TENM3: variants seen among roughly 807,000 people sequenced by gnomAD.
TENM3 encodes teneurin-3.
A neutral mutation model predicts 255.1 loss-of-function variants in TENM3; 63 were observed. The observed-to-expected ratio is 0.25, with a 90% CI of 0.20 to 0.30. The LOEUF is 0.30. TENM3 is among the 10% of genes least tolerant of loss of function. The pLI, the probability that TENM3 is intolerant of heterozygous loss-of-function variation, is 1.00. For missense variants in TENM3, 2,929 were observed against 3,461.1 expected (o/e 0.85, Z 3.86); for synonymous variants, 1,306 against 1,322.3 (o/e 0.99, Z 0.27).
intron 1 of TENM3, among the ~76,000 whole-genome samples, chr4:182,217,902 T>G (rs1755603978): frequency 6.6e-6 from 1 of 152,228 alleles, no homozygotes; most frequent in Admixed American, 6.5e-5. Flanking sequence ...AAGATTTCAA[T>G]TAAATGTGGA....
At chr4:182,630,470 T>C (rs1412716244) in intron 5 of TENM3, among the ~76,000 whole-genome samples, 1 of 151,986 alleles carries the variant, frequency 6.6e-6, no homozygotes, top group Non-Finnish European at 1.5e-5. Context: ...ATGTAATAAA[T>C]TAAGAATATG....
At chr4:181,910,657 T>TA in the TENM3 span, among the ~76,000 whole-genome samples, 1 of 150,328 alleles carries the variant, frequency 6.7e-6, no homozygotes, top group African/African-American at 2.5e-5. Flanking sequence ...TGTGTGTGTA[T>TA]TTTAGAGAGG....
chr4:182,186,762 CAT>C (rs70954298), intron 1 of TENM3, among the ~76,000 whole-genome samples: 71 of 27,470 alleles, frequency 2.6e-3, no homozygotes, highest in South Asian at 4.7e-3. Flanking sequence ...ACTAATGCAT[CAT>C]ATATATATAT....
chr4:181,612,643 T>C, the TENM3 span, among the ~76,000 whole-genome samples: 93 of 152,192 alleles, frequency 6.1e-4, no homozygotes, highest in Admixed American at 1.2e-3. Flanking sequence ...TATTTGTATG[T>C]GTGTGTTTTC....
chr4:182,655,449 G>C (rs1753671783), intron 6 of TENM3, among the ~76,000 whole-genome samples: 1 of 152,256 alleles, frequency 6.6e-6, no homozygotes, highest in South Asian at 2.1e-4. Context: ...TACTGAGAAA[G>C]CTGTGGATTT....
chr4:181,776,232 C>A, the TENM3 span, among the ~76,000 whole-genome samples: 1 of 152,080 alleles, frequency 6.6e-6, no homozygotes, highest in African/African-American at 2.4e-5. Flanking sequence ...ATTCCATCCA[C>A]GTCGCTGTAA....
intron 3 of TENM3, among the ~76,000 whole-genome samples, chr4:182,462,212 C>T (rs1732077719): frequency 6.6e-6 from 1 of 151,790 alleles, no homozygotes; most frequent in African/African-American, 2.4e-5. Context: ...CACACATTGC[C>T]ACACCTGGCC....
chr4:182,488,125 A>G (rs933525845), intron 3 of TENM3, among the ~76,000 whole-genome samples: 2 of 152,194 alleles, frequency 1.3e-5, no homozygotes, highest in East Asian at 1.9e-4. Context: ...ACACAAGTGG[A>G]TAATGATGGG....
chr4:182,677,773 C>T (rs1755780602), intron 7 of TENM3, among the ~76,000 whole-genome samples: 1 of 152,044 alleles, frequency 6.6e-6, no homozygotes. Flanking sequence ...AAAGGTTTTA[C>T]TTATAAATAA....
chr4:182,069,555 A>T, the TENM3 span, among the ~76,000 whole-genome samples: 1 of 152,008 alleles, frequency 6.6e-6, no homozygotes, highest in Non-Finnish European at 1.5e-5. Context: ...CCTTTGTCAG[A>T]TTTAGTCTTG....
chr4:182,054,522 G>A, the TENM3 span, among the ~76,000 whole-genome samples: 1 of 152,034 alleles, frequency 6.6e-6, no homozygotes, highest in African/African-American at 2.4e-5. Flanking sequence ...GAATGAATAA[G>A]ACCTACTATT....
intron 10 of TENM3, among the ~76,000 whole-genome samples, chr4:182,681,419 A>G (rs1298860815): frequency 6.6e-6 from 1 of 152,236 alleles, no homozygotes; most frequent in Non-Finnish European, 1.5e-5. Flanking sequence ...GATAGAGAGT[A>G]TGCAACTCAT....
intron 3 of TENM3, among the ~76,000 whole-genome samples, chr4:182,526,940 A>G (rs1278534474): frequency 6.6e-6 from 1 of 151,316 alleles, no homozygotes; most frequent in African/African-American, 2.4e-5. Flanking sequence ...CCTTCTTGAA[A>G]CTAATTAGCC....
At chr4:182,271,611 G>T (rs1759629342) in intron 1 of TENM3, among the ~76,000 whole-genome samples, 1 of 152,198 alleles carries the variant, frequency 6.6e-6, no homozygotes, top group Admixed American at 6.5e-5. Flanking sequence ...GAGATGTTTT[G>T]ATTTCTTTGC....
chr4:181,605,609 GAAAGA>G, the TENM3 span, among the ~76,000 whole-genome samples: 2 of 117,200 alleles, frequency 1.7e-5, no homozygotes, highest in African/African-American at 2.8e-5. Context: ...AAGAAAGAAA[GAAAGA>G]AAAGAAAGAA....
intron 22 of TENM3, among the ~76,000 whole-genome samples, chr4:182,767,092 C>T (rs151148604): frequency 1.5e-3 from 231 of 152,290 alleles, no homozygotes; most frequent in Middle Eastern, 3.4e-3. Flanking sequence ...GTGATAGAAG[C>T]ATTTTCTATC....
At chr4:182,139,197 T>G (rs1011787518), upstream of TENM3, among the ~76,000 whole-genome samples, 1 of 152,140 alleles carries the variant, frequency 6.6e-6, no homozygotes, top group Non-Finnish European at 1.5e-5. Flanking sequence ...CTTTATTACA[T>G]GCAGAAAACA....
chr4:182,728,264 G>A (rs1042609517), intron 13 of TENM3, among the ~76,000 whole-genome samples: 13 of 152,192 alleles, frequency 8.5e-5, no homozygotes, highest in Middle Eastern at 3.4e-3. Flanking sequence ...TTAGAGCTTC[G>A]TCCTACATAG....
intron 3 of TENM3, among the ~76,000 whole-genome samples, chr4:182,492,992 A>G (rs1386010303): frequency 2.0e-5 from 3 of 152,000 alleles, no homozygotes. Flanking sequence ...GGAGTGGTTT[A>G]TATTTTTCTA....
Sources: allele counts gnomAD v4.1 joint callset (sites outside exome capture counted in the v4.1 genomes callset), GRCh38; gene constraint gnomAD v4.1.1; transcripts MANE v1.5; gene names NCBI Gene and HGNC (gene_info 2026-07-23, HGNC 2026-07-21).